Variants in KLHL29 observed in about 807,000 individuals in gnomAD.
The protein encoded by KLHL29 is kelch like family member 29, also known as kelch-like protein 29.
A neutral mutation model predicts 80.4 loss-of-function variants in KLHL29; 21 were observed. The observed-to-expected ratio is 0.26, with a 90% CI of 0.19 to 0.38. KLHL29 has a LOEUF of 0.38. KLHL29 is among the 10% of genes least tolerant of loss of function. KLHL29 has a pLI of 1.00. For synonymous variants in KLHL29, 511 were observed against 526.8 expected (o/e 0.97, Z 0.41); for missense variants, 867 against 1,223.9 (o/e 0.71, Z 4.35).
At chr2:23,658,264 C>T (rs555378488) in intron 5 of KLHL29, among the ~76,000 whole-genome samples, 1 of 152,288 alleles carries the variant, frequency 6.6e-6, no homozygotes, top group East Asian at 1.9e-4. Flanking sequence ...AGAGCCGAAG[C>T]CCTGCCTGAG....
chr2:23,521,996 A>G lies in KLHL29; in HGVS notation c.-45-40156A>G, dbSNP rs541058934. On this transcript the variant is annotated intron_variant, in intron 2 of 13. Transcript: ENST00000486442. ...CTTATTCTCATTAGTTAAACTTGCC[A>G]TGGTCATTGTTTTTGCCTAAAGCAC... 3.9e-5 allele frequency among the ~76,000 whole-genome samples: 6 copies of G among 152,242 alleles called. No individual in the cohort carries two copies. The South Asian group carries it at 1.2e-3, about 32-fold the overall frequency.
rs1219609569 is a variant in KLHL29, at chr2:23,461,724, G to A, written c.-153-13836G>A. ...GTACCCCTTCTTTATCTTTGCTGGG[G>A]GGGCAGGGGGGCGGGAAATAGATGA... On this transcript the variant is annotated intron_variant, in intron 1 of 13. Transcript: ENST00000486442. Among the ~76,000 whole-genome samples the A allele has an allele frequency of 2.0e-5, 3 of 151,752 alleles. No homozygotes were observed. The East Asian group carries it at 5.8e-4, about 29-fold the overall frequency.
intron 1 of KLHL29, among the ~76,000 whole-genome samples, chr2:23,451,227 G>A (rs1663870359): frequency 6.6e-6 from 1 of 152,114 alleles, no homozygotes; most frequent in African/African-American, 2.4e-5. Context: ...TCTTAATACA[G>A]AGAGAATTCC....
At chr2:23,432,355 CTG>C (rs1254017094) in intron 1 of KLHL29, among the ~76,000 whole-genome samples, 1 of 152,228 alleles carries the variant, frequency 6.6e-6, no homozygotes, top group Admixed American at 6.5e-5. Context: ...ACACACCTAT[CTG>C]TGCTCTTAGC....
At chr2:23,527,439 C>T (rs988088135) in intron 2 of KLHL29, among the ~76,000 whole-genome samples, 2 of 152,206 alleles carry the variant, frequency 1.3e-5, no homozygotes, top group Non-Finnish European at 2.9e-5. Flanking sequence ...ATCCCTTCTG[C>T]CTGCTCAGAG....
chr2:23,587,546 A>C (rs1479537054), intron 3 of KLHL29, among the ~76,000 whole-genome samples: 71 of 152,372 alleles, frequency 4.7e-4, no homozygotes, highest in Non-Finnish European at 1.5e-5. Flanking sequence ...TCAAAGGGAC[A>C]GATGACAGTG....
intron 3 of KLHL29, among the ~76,000 whole-genome samples, chr2:23,629,964 TAGGTCAAGAACCAG>T (rs1669427668): frequency 6.6e-6 from 1 of 152,142 alleles, no homozygotes; most frequent in Non-Finnish European, 1.5e-5. Flanking sequence ...GGAAGAGGTT[TAGGTCAAGAACCAG>T]GAGAAGCATT....
intron 3 of KLHL29, among the ~76,000 whole-genome samples, chr2:23,619,212 G>T (rs943943757): frequency 3.3e-5 from 5 of 152,362 alleles, no homozygotes; most frequent in Middle Eastern, 3.4e-3. Context: ...CTTTTAAGCA[G>T]CAGGTCTGTG....
At chr2:23,513,635 A>G (rs1212772816) in intron 2 of KLHL29, among the ~76,000 whole-genome samples, 1 of 152,212 alleles carries the variant, frequency 6.6e-6, no homozygotes, top group Non-Finnish European at 1.5e-5. Context: ...GTGATAATCC[A>G]AACTGACAGG....
intron 5 of KLHL29, among the ~76,000 whole-genome samples, chr2:23,654,692 AG>A (rs1437687273): frequency 1.6e-4 from 2 of 12,612 alleles, no homozygotes; most frequent in Non-Finnish European, 8.7e-4. Context: ...AAGGGAACAG[AG>A]GTTGGGGGGG....
chr2:23,595,592 G>T (rs1451730334), intron 3 of KLHL29, among the ~76,000 whole-genome samples: 1 of 152,232 alleles, frequency 6.6e-6, no homozygotes, highest in Non-Finnish European at 1.5e-5. Context: ...TGGGCAGGAA[G>T]GGTGGCAGGC....
chr2:23,640,918 C>T (rs1399489484), intron 4 of KLHL29, among the ~76,000 whole-genome samples: 1 of 152,200 alleles, frequency 6.6e-6, no homozygotes, highest in Non-Finnish European at 1.5e-5. Flanking sequence ...GCCATCTTAG[C>T]TCCTGCCCCA....
At chr2:23,588,213 A>C (rs1022351219) in intron 3 of KLHL29, among the ~76,000 whole-genome samples, 1 of 152,152 alleles carries the variant, frequency 6.6e-6, no homozygotes, top group Non-Finnish European at 1.5e-5. Context: ...CCAGCCCGGC[A>C]TGAAGCTGAA....
chr2:23,599,643 A>G (rs1013511469), intron 3 of KLHL29, among the ~76,000 whole-genome samples: 14 of 152,158 alleles, frequency 9.2e-5, no homozygotes, highest in African/African-American at 7.2e-5. Flanking sequence ...ACACATATGC[A>G]TATGTATTTT....
intron 1 of KLHL29, among the ~76,000 whole-genome samples, chr2:23,398,305 C>T (rs1408854284): frequency 3.3e-5 from 5 of 152,326 alleles, no homozygotes; most frequent in African/African-American, 4.8e-5. Context: ...TTTTGACACA[C>T]GCTATAGCGT....
intron 2 of KLHL29, among the ~76,000 whole-genome samples, chr2:23,522,927 G>A (rs913231247): frequency 6.6e-6 from 1 of 152,218 alleles, no homozygotes; most frequent in African/African-American, 2.4e-5. Context: ...ACTCGACTTT[G>A]TCAGTGCCCT....
chr2:23,488,943 G>A (rs1317360447), intron 2 of KLHL29, among the ~76,000 whole-genome samples: 6 of 152,324 alleles, frequency 3.9e-5, no homozygotes, highest in Non-Finnish European at 5.9e-5. Flanking sequence ...GGACTTGGCC[G>A]GTCCCAGGGA....
chr2:23,665,969 A>G (rs968951576), intron 5 of KLHL29, among the ~76,000 whole-genome samples: 4 of 152,220 alleles, frequency 2.6e-5, no homozygotes, highest in African/African-American at 9.7e-5. Context: ...TCCATGGGGG[A>G]CACTGTCCAT....
intron 5 of KLHL29, among the ~76,000 whole-genome samples, chr2:23,654,697 G>GGGGC (rs1553350615): frequency 1.1e-5 from 1 of 93,144 alleles, no homozygotes; most frequent in East Asian, 3.4e-4. Context: ...AACAGAGGTT[G>GGGGC]GGGGGGGGGG....
Sources: allele counts gnomAD v4.1 joint callset (sites outside exome capture counted in the v4.1 genomes callset), GRCh38; gene constraint gnomAD v4.1.1; transcripts MANE v1.5; gene names NCBI Gene and HGNC (gene_info 2026-07-23, HGNC 2026-07-21).